PCDHGA5: variants seen among roughly 807,000 people sequenced by gnomAD.
The protein encoded by PCDHGA5 is protocadherin gamma subfamily A, 5.
Under a neutral mutation model 56.7 loss-of-function variants are expected in PCDHGA5, and 36 were observed. That is an observed-to-expected ratio of 0.64 (90% CI 0.49 to 0.84). PCDHGA5 has a LOEUF of 0.84. Ranked by LOEUF, PCDHGA5 falls within the 40% of genes least tolerant of loss-of-function variation. The pLI is 0.00. For synonymous variants in PCDHGA5, 563 were observed against 520.2 expected, an observed-to-expected ratio of 1.08 and a Z score of -1.12; for missense variants, 1,305 against 1,201.5, an observed-to-expected ratio of 1.09 and a Z score of -1.27.
In PCDHGA5 at chr5:141,512,133, G is replaced by A. The variant is rs1394116556; in HGVS notation, c.*960G>A. ...CCACTACATAATAGGGCTCAGCCCA[G>A]GCAGCCAGCTTTGGGCTGAGCTAAC... On this transcript the variant is annotated 3_prime_UTR_variant, in exon 4 of 4. Coordinates refer to ENST00000518069, the MANE Select transcript of PCDHGA5 (RefSeq NM_018918.3). 3 of 152,708 alleles carry A rather than the reference G, an allele frequency of 2.0e-5. No homozygotes were observed. Among genetic ancestry groups the A allele is most frequent in the Non-Finnish European group, 2.9e-5 (2 of 68,102 alleles). 9.5% of individuals were successfully genotyped at this position (152,708 alleles called of 1,614,324 possible).
chr5:141,447,301 G>A (rs557269538), intron 1 of PCDHGA5, among the ~76,000 whole-genome samples: 39 of 152,060 alleles, frequency 2.6e-4, no homozygotes, highest in Non-Finnish European at 1.5e-4. Flanking sequence ...CACCACACCC[G>A]GCTAATTTTT....
intron 1 of PCDHGA5, chr5:141,422,314 C>T: frequency 6.5e-7 from 1 of 1,547,838 alleles, no homozygotes; most frequent in Non-Finnish European, 8.7e-7. Context: ...AAACTCTCCT[C>T]CAGGTACAGT....
intron 1 of PCDHGA5, chr5:141,419,226 C>T (rs560904796): frequency 1.9e-6 from 3 of 1,614,006 alleles, no homozygotes; most frequent in East Asian, 2.2e-5. Context: ...GGACAGTCAG[C>T]CTACCTGGTC....
rs766050828 is a variant in PCDHGA5, at chr5:141,394,215, G to A, written c.2421+27464G>A. The A allele has an allele frequency of 1.9e-6, 3 of 1,613,902 alleles. No individual in the cohort carries two copies. The South Asian group carries it at 3.3e-5, about 18-fold the overall frequency. ...GTATATCCTAGAGAACAACCTGAGA[G>A]GAGCCTCCATCTTTTCCTTGACTGC... is the stretch of plus-strand genomic sequence containing the variant. On this transcript the variant is annotated intron_variant, in intron 1 of 3. Transcript: ENST00000518069.
chr5:141,511,373 G>T lies in PCDHGA5; in HGVS notation c.*200G>T. On this transcript the variant is annotated 3_prime_UTR_variant, in exon 4 of 4. Transcript: ENST00000518069. ...CCCCCAGGGGGTTGAATATGCAAAA[G>T]CAGTTCCGCTGGGAACCCCCATCCA... 8.0e-7 allele frequency: 1 copy of T among 1,251,332 alleles called. No homozygotes were observed. The highest frequency in any genetic ancestry group is 1.6e-5 in the South Asian group (1 of 63,796). The allele number at this position is 1,251,332 out of a possible 1,614,324, so 77.5% of individuals were successfully genotyped here.
chr5:141,383,002 G>T lies in PCDHGA5; in HGVS notation c.2421+16251G>T, dbSNP rs376825891. On this transcript the variant is annotated intron_variant, in intron 1 of 3. Coordinates refer to ENST00000518069, the MANE Select transcript of PCDHGA5 (RefSeq NM_018918.3). ...CTGGGCAGGACGTATTCTCTACTCC[G>T]TGTCGGAGGAGACGGACAAAGGGTC... The T allele has an allele frequency of 1.2e-6, 2 of 1,613,650 alleles. No individual in the cohort carries two copies. Among genetic ancestry groups the T allele is most frequent in the African/African-American group, 1.3e-5 (1 of 74,948 alleles).
rs143779180 is a variant in PCDHGA5 at position 141,485,438 on chromosome 5, C to A, written c.2422-9369C>A. The A allele has an allele frequency of 9.9e-6, 16 of 1,614,170 alleles. No individual in the cohort carries two copies. The African/African-American group carries it at 1.3e-4, about 13-fold the overall frequency. Reference sequence around the variant, plus strand: ...CAGCGGAGCCCTGCTCATCAAGAACCCAATCGACCGAGAGGCACTGTGTGG... The same window carrying A: ...CAGCGGAGCCCTGCTCATCAAGAACACAATCGACCGAGAGGCACTGTGTGG... On this transcript the variant is annotated intron_variant, in intron 1 of 3. Coordinates refer to ENST00000518069, the MANE Select transcript of PCDHGA5 (RefSeq NM_018918.3). The surrounding 1 kb of genome is among the most constrained non-coding windows in gnomAD (Gnocchi z 5.7).
Position 141,409,090 on chromosome 5 carries a change from G to C in PCDHGA5, c.2421+42339G>C, listed in dbSNP as rs181368417. 9.9e-5 allele frequency: 159 copies of C among 1,614,024 alleles called. No individual in the cohort carries two copies. The African/African-American group carries it at 1.9e-3, about 19-fold the overall frequency. On this transcript the variant is annotated intron_variant, in intron 1 of 3. Transcript: ENST00000518069. ...CAAAACATATGTTCTCATTGGATGA[G>C]AAAACAGGTATGATTAAGAATAACC...
intron 2 of PCDHGA5, among the ~76,000 whole-genome samples, chr5:141,499,149 A>G (rs1215155217): frequency 6.6e-6 from 1 of 152,084 alleles, no homozygotes; most frequent in African/African-American, 2.4e-5. Context: ...TCTGATCCCA[A>G]TAGCTGTTGT....
chr5:141,485,152 A>T lies in PCDHGA5; in HGVS notation c.2422-9655A>T. 1.3e-6 allele frequency: 2 copies of T among 1,586,090 alleles called. No homozygotes were observed. Among genetic ancestry groups the T allele is most frequent in the Non-Finnish European group, 8.6e-7 (1 of 1,157,176 alleles). ...CTTCATCCGCGTCTCAGGAGCAAGT[A>T]GAGAATTAGCGGGCGGCAGCAATGC... On this transcript the variant is annotated intron_variant, in intron 1 of 3. Coordinates refer to ENST00000518069, the MANE Select transcript of PCDHGA5 (RefSeq NM_018918.3). This position sits in a 1 kb window ranked among gnomAD's most constrained non-coding sequence, Gnocchi z 5.7.
chr5:141,419,522 C>A, intron 1 of PCDHGA5: 4 of 1,612,178 alleles, frequency 2.5e-6, no homozygotes, highest in Non-Finnish European at 3.4e-6. Context: ...GGTGGGCGAC[C>A]GTAACGACAA....
At chr5:141,371,460 A>G (rs1428114565) in intron 1 of PCDHGA5, 1 of 1,614,004 alleles carries the variant, frequency 6.2e-7, no homozygotes, top group Admixed American at 1.7e-5. Context: ...ATCCCAACAT[A>G]TACAAGAAGA....
intron 1 of PCDHGA5, chr5:141,374,343 C>A (rs753543776): frequency 6.2e-7 from 1 of 1,613,990 alleles, no homozygotes; most frequent in Admixed American, 1.7e-5. Flanking sequence ...TTGGTCACCG[C>A]GGGTAGGATA....
intron 1 of PCDHGA5, among the ~76,000 whole-genome samples, chr5:141,461,604 T>G (rs1166575574): frequency 6.6e-6 from 1 of 152,228 alleles, no homozygotes; most frequent in Non-Finnish European, 1.5e-5. Context: ...TATAATTTAG[T>G]TCAAAGTATT....
intron 1 of PCDHGA5, chr5:141,376,311 T>A: frequency 1.2e-6 from 2 of 1,613,882 alleles, no homozygotes; most frequent in Non-Finnish European, 1.7e-6. Context: ...TTTGTGGGCG[T>A]GGAAGGGGTT....
At chr5:141,461,799 G>T (rs1025237561) in intron 1 of PCDHGA5, among the ~76,000 whole-genome samples, 5 of 151,188 alleles carry the variant, frequency 3.3e-5, no homozygotes, top group Admixed American at 1.3e-4. Context: ...GATTACAGGT[G>T]CCCACCACCA....
intron 1 of PCDHGA5, chr5:141,427,818 G>T: frequency 6.5e-7 from 1 of 1,530,644 alleles, no homozygotes; most frequent in Non-Finnish European, 9.0e-7. Flanking sequence ...GAGCGGGGTG[G>T]TGGTCGCGCA....
intron 1 of PCDHGA5, chr5:141,426,760 C>T (rs935248232): frequency 4.4e-6 from 2 of 456,284 alleles, no homozygotes; most frequent in African/African-American, 4.0e-5. Context: ...GCTATAGATG[C>T]AGATGTAGGG....
chr5:141,477,438 C>T lies in PCDHGA5; in HGVS notation c.2422-17369C>T, dbSNP rs1386997844. On this transcript the variant is annotated intron_variant, in intron 1 of 3. Transcript: ENST00000518069. This position sits in a 1 kb window ranked among gnomAD's most constrained non-coding sequence, Gnocchi z 4.9. ...GGAACCCCTTCCCTCTCAGCCCTTA[C>T]AATAGTGCGTGTTCAAGTGTCCGAC... 6.2e-7 allele frequency: 1 copy of T among 1,614,174 alleles called. No homozygotes were observed. The highest frequency in any genetic ancestry group is 8.5e-7 in the Non-Finnish European group (1 of 1,180,030).
Sources: allele counts gnomAD v4.1 joint callset (sites outside exome capture counted in the v4.1 genomes callset), GRCh38; gene constraint gnomAD v4.1.1; non-coding constraint Gnocchi (gnomAD v3.1); transcripts MANE v1.5; gene names NCBI Gene and HGNC (gene_info 2026-07-23, HGNC 2026-07-21).